CSMD1: variants seen among roughly 807,000 people sequenced by gnomAD.
CSMD1 encodes the protein CUB and sushi domain-containing protein 1.
CSMD1 carries 213 observed loss-of-function variants against 417.5 expected under a neutral mutation model. The ratio of observed to expected loss-of-function variants is 0.51; its 90% CI spans 0.46 to 0.57. The LOEUF (loss-of-function observed/expected upper bound fraction) is 0.57, where lower values mean the gene tolerates loss of function less well. Among genes scored for constraint, CSMD1 ranks in the 20% least tolerant of loss-of-function variants. The probability of loss-of-function intolerance (pLI) is 0.00; values close to 1 mark genes in which losing one functional copy is unlikely to be tolerated. For synonymous variants in CSMD1, 2,862 were observed against 1,736.8 expected (o/e 1.65, Z -16.11); for missense variants, 6,923 against 4,529.7 (o/e 1.53, Z -15.17).
chr8:4,596,320 G>A (rs1260052526), intron 2 of CSMD1, among the ~76,000 whole-genome samples: 1 of 152,154 alleles, frequency 6.6e-6, no homozygotes, highest in Non-Finnish European at 1.5e-5. Flanking sequence ...ATTAGATTTA[G>A]AGAAGGTTCA....
intron 41 of CSMD1, among the ~76,000 whole-genome samples, chr8:3,141,234 C>A (rs1258164993): frequency 1.3e-5 from 2 of 152,128 alleles, no homozygotes; most frequent in Non-Finnish European, 2.9e-5. Context: ...ACCTCATCAT[C>A]CCCTGTGCGT....
At chr8:3,852,214 A>C (rs1373296766) in intron 5 of CSMD1, among the ~76,000 whole-genome samples, 1 of 152,114 alleles carries the variant, frequency 6.6e-6, no homozygotes, top group Non-Finnish European at 1.5e-5. Context: ...AAGGACTGGG[A>C]ATGGAGGCGC....
At chr8:4,309,814 C>A (rs1049678790) in intron 3 of CSMD1, among the ~76,000 whole-genome samples, 4 of 152,058 alleles carry the variant, frequency 2.6e-5, no homozygotes, top group African/African-American at 9.7e-5. Flanking sequence ...GTCCCTTCGC[C>A]CTTACTTCAT....
At chr8:4,325,325 T>C (rs1289890683) in intron 3 of CSMD1, among the ~76,000 whole-genome samples, 1 of 152,130 alleles carries the variant, frequency 6.6e-6, no homozygotes, top group African/African-American at 2.4e-5. Context: ...AAACCAGTAG[T>C]TGGAGGTGGA....
intron 3 of CSMD1, among the ~76,000 whole-genome samples, chr8:4,270,737 T>A (rs1051032543): frequency 2.6e-5 from 4 of 152,208 alleles, no homozygotes; most frequent in African/African-American, 9.6e-5. Flanking sequence ...AAATATTGTG[T>A]TTGAGGACAG....
At chr8:4,290,739 A>ATCT (rs1266582470) in intron 3 of CSMD1, among the ~76,000 whole-genome samples, 1 of 152,160 alleles carries the variant, frequency 6.6e-6, no homozygotes, top group Non-Finnish European at 1.5e-5. Context: ...TTATCTCCCT[A>ATCT]TCTGTAGTTT....
intron 1 of CSMD1, among the ~76,000 whole-genome samples, chr8:4,879,604 T>G (rs1334396999): frequency 6.6e-6 from 1 of 152,042 alleles, no homozygotes; most frequent in East Asian, 1.9e-4. Flanking sequence ...ATAAGGAGAC[T>G]GTAGTTACAG....
intron 2 of CSMD1, among the ~76,000 whole-genome samples, chr8:4,515,074 C>G (rs768668212): frequency 6.6e-6 from 1 of 152,174 alleles, no homozygotes; most frequent in Non-Finnish European, 1.5e-5. Flanking sequence ...GCAAATGATA[C>G]TTTATAATCC....
chr8:3,891,791 T>C (rs975715804), intron 5 of CSMD1, among the ~76,000 whole-genome samples: 1 of 152,160 alleles, frequency 6.6e-6, no homozygotes, highest in Non-Finnish European at 1.5e-5. Context: ...CTATGTGATT[T>C]AGGCACATCA....
At chr8:3,514,685 A>G (rs1344569827) in intron 10 of CSMD1, among the ~76,000 whole-genome samples, 1 of 152,152 alleles carries the variant, frequency 6.6e-6, no homozygotes, top group Non-Finnish European at 1.5e-5. Context: ...ATTTGTAGGT[A>G]TCTTTTGTTA....
intron 1 of CSMD1, among the ~76,000 whole-genome samples, chr8:4,848,157 T>C (rs138925434): frequency 0.011 from 1,717 of 152,322 alleles, 81 homozygotes; most frequent in Admixed American, 0.08. Flanking sequence ...AGTACTTCAT[T>C]CTTGGTCTGG....
chr8:3,236,999 G>A (rs1477683812), intron 26 of CSMD1, among the ~76,000 whole-genome samples: 1 of 152,012 alleles, frequency 6.6e-6, no homozygotes, highest in African/African-American at 2.4e-5. Context: ...TGCATCCAGA[G>A]CCATGCCAGT....
At chr8:4,203,902 G>A (rs1044154540) in intron 3 of CSMD1, among the ~76,000 whole-genome samples, 3 of 151,992 alleles carry the variant, frequency 2.0e-5, no homozygotes, top group African/African-American at 7.3e-5. Context: ...GGAGTTTGAG[G>A]CCAGCCTGGG....
chr8:4,325,600 A>G (rs1419245835), intron 3 of CSMD1, among the ~76,000 whole-genome samples: 1 of 152,192 alleles, frequency 6.6e-6, no homozygotes, highest in Non-Finnish European at 1.5e-5. Context: ...TATAGTAGGC[A>G]GGGCAACATG....
At chr8:3,191,147 G>A (rs1796397786) in intron 33 of CSMD1, among the ~76,000 whole-genome samples, 1 of 152,156 alleles carries the variant, frequency 6.6e-6, no homozygotes, top group African/African-American at 2.4e-5. Flanking sequence ...AGTCACCTAG[G>A]ATGAGCTCAA....
intron 12 of CSMD1, among the ~76,000 whole-genome samples, chr8:3,441,541 T>G (rs1180120334): frequency 1.3e-5 from 2 of 148,232 alleles, no homozygotes; most frequent in Non-Finnish European, 3.0e-5. Context: ...CTGTACCACG[T>G]AAGGACATTT....
rs534430220 is a variant in CSMD1, at chr8:3,402,903, TTAAAGA to T, written c.2266+3118_2266+3123del. ...ATCATTTTGTTCTACGTTAGAGGAC[TTAAAGA>T]TAGACATTTTCCTTGAAACACAGGT... On this transcript the variant is annotated intron_variant, in intron 15 of 69. Transcript: ENST00000635120. Among the ~76,000 whole-genome samples the T allele has an allele frequency of 8.0e-4, 122 of 152,274 alleles. 1 individual carries two copies. The highest frequency in any genetic ancestry group is 2.7e-3 in the African/African-American group (114 of 41,578).
At chr8:4,080,916 C>T (rs988206320) in intron 3 of CSMD1, among the ~76,000 whole-genome samples, 1 of 152,080 alleles carries the variant, frequency 6.6e-6, no homozygotes, top group Admixed American at 6.6e-5. Context: ...AGAGGCAGGG[C>T]CTTTGTGAGG....
intron 1 of CSMD1, among the ~76,000 whole-genome samples, chr8:4,778,264 G>A (rs1347800157): frequency 2.0e-5 from 3 of 152,000 alleles, no homozygotes; most frequent in Non-Finnish European, 4.4e-5. Context: ...GCAAACTGTG[G>A]CACATGGGCT....
Sources: gnomAD v4.1 joint callset for allele counts (sites outside exome capture counted in the v4.1 genomes callset) on GRCh38, gnomAD v4.1.1 for gene constraint, MANE v1.5 for transcripts, NCBI Gene and HGNC (gene_info 2026-07-23, HGNC 2026-07-21) for gene names.